WNK2: variants seen among roughly 807,000 people sequenced by gnomAD.
The protein encoded by WNK2 is WNK lysine deficient protein kinase 2.
A neutral mutation model predicts 192.1 loss-of-function variants in WNK2; 67 were observed. The ratio of observed to expected loss-of-function variants is 0.35; its 90% CI spans 0.29 to 0.43. The LOEUF (loss-of-function observed/expected upper bound fraction) is 0.43. Ranked by LOEUF, WNK2 falls within the 20% of genes least tolerant of loss-of-function variation. WNK2 has a pLI of 1.00. For synonymous variants in WNK2, 1,439 were observed against 1,393.9 expected (o/e 1.03, Z -0.72); for missense variants, 2,698 against 3,089.7 (o/e 0.87, Z 3.01).
intron 4 of WNK2, among the ~76,000 whole-genome samples, chr9:93,232,330 C>T (rs1408989975): frequency 1.3e-5 from 2 of 152,094 alleles, no homozygotes; most frequent in South Asian, 2.1e-4. Context: ...AGTGGTGGAG[C>T]GTAGGGGCTG....
rs1245358139 is a variant in WNK2 at position 93,234,861 on chromosome 9, G to A, written c.1129G>A (p.Val377Met). Residue 377 changes from valine (V) to methionine (M), a missense_variant, in exon 5 of 30, where the codon GTG (valine) becomes ATG (methionine). Around this residue, in one of 7 missense-constraint regions of WNK2, gnomAD observed 230 missense variants for 501.1 expected, o/e 0.46. Coordinates refer to ENST00000427277, the MANE Select transcript of WNK2 (RefSeq NM_006648.4). The part of the protein sequence containing the change: ...EMYEEHYDES[V>M]DVYAFGMCML... ...GTACGAGGAGCACTACGATGAGTCC[G>A]TGGACGTCTATGCCTTTGGGATGTG... 2 of 1,614,112 alleles carry A rather than the reference G, an allele frequency of 1.2e-6. No individual in the cohort carries two copies.
In WNK2 at chr9:93,263,898, C is replaced by G. The variant is rs1480879431; in HGVS notation, c.3580-19C>G. ...CGTGTGGGTACGCCCGTGGTGGGTG[C>G]TGATGCTGCCCCTTCCAGGTGTGCA... On this transcript the variant is annotated intron_variant, in intron 15 of 29. Transcript: ENST00000427277. 6.3e-7 allele frequency: 1 copy of G among 1,598,826 alleles called. No homozygotes were observed. Among genetic ancestry groups the G allele is most frequent in the South Asian group, 1.1e-5 (1 of 89,186 alleles).
chr9:93,240,354 G>A (rs1840548182), intron 7 of WNK2, among the ~76,000 whole-genome samples: 1 of 152,158 alleles, frequency 6.6e-6, no homozygotes, highest in Non-Finnish European at 1.5e-5. Context: ...GGTGGCTTTG[G>A]GTTTGGGATC....
chr9:93,219,860 G>A (rs947835817), intron 2 of WNK2, among the ~76,000 whole-genome samples: 4 of 152,258 alleles, frequency 2.6e-5, no homozygotes, highest in African/African-American at 9.6e-5. Flanking sequence ...GAGTGCAGGT[G>A]CAGATGGTGG....
At chr9:93,204,278 C>T (rs1313099525) in intron 2 of WNK2, among the ~76,000 whole-genome samples, 2 of 152,104 alleles carry the variant, frequency 1.3e-5, no homozygotes, top group Non-Finnish European at 2.9e-5. Context: ...CCTGGGTGCT[C>T]AACATTTCTG....
At chr9:93,210,664 G>C (rs915911195) in intron 2 of WNK2, among the ~76,000 whole-genome samples, 1 of 152,314 alleles carries the variant, frequency 6.6e-6, no homozygotes, top group East Asian at 1.9e-4. Context: ...CCCTGAGCAG[G>C]TGAGGGCTCT....
At chr9:93,194,823 G>A (rs1830941176) in intron 2 of WNK2, among the ~76,000 whole-genome samples, 1 of 152,186 alleles carries the variant, frequency 6.6e-6, no homozygotes, top group Non-Finnish European at 1.5e-5. Context: ...TTCAGCAGGT[G>A]AATGGATAAA....
chr9:93,230,253 C>G (rs2132022257), intron 3 of WNK2, among the ~76,000 whole-genome samples: 1 of 152,180 alleles, frequency 6.6e-6, no homozygotes, highest in East Asian at 1.9e-4. Flanking sequence ...CACTAAGGTC[C>G]CAGTCTGTAC....
chr9:93,239,719 G>C lies in WNK2; in HGVS notation c.1323-38G>C, dbSNP rs1564062847. ...CAGGAGCCTGGGCATGGAGGCCCTG[G>C]CGCCCGTGCCCCTGCCTGTCAGCTG... On this transcript the variant is annotated intron_variant, in intron 6 of 29. Transcript: ENST00000427277. This position sits in a 1 kb window ranked among gnomAD's most constrained non-coding sequence, Gnocchi z 4.2. 6.5e-7 allele frequency: 1 copy of C among 1,529,858 alleles called. No individual in the cohort carries two copies. The highest frequency in any genetic ancestry group is 8.8e-7 in the Non-Finnish European group (1 of 1,132,092). The allele number at this position is 1,529,858 out of a possible 1,614,324, so 94.8% of individuals were successfully genotyped here.
chr9:93,274,680 C>T lies in WNK2; in HGVS notation c.4033+5934C>T, dbSNP rs1010247745. Among the ~76,000 whole-genome samples, 4 of 152,124 alleles carry T rather than the reference C, an allele frequency of 2.6e-5. No individual in the cohort carries two copies. In the East Asian group the frequency reaches 5.8e-4, roughly 22 times the overall value. On this transcript the variant is annotated intron_variant, in intron 19 of 29. Transcript: ENST00000427277. ...ATTTAGGTGAAAGAGACTAATTCCT[C>T]AAAAGCCATAAACTACTAAAATTCA...
chr9:93,186,729 C>G (rs1041307216), intron 2 of WNK2, among the ~76,000 whole-genome samples: 5 of 152,212 alleles, frequency 3.3e-5, no homozygotes, highest in African/African-American at 1.2e-4. Flanking sequence ...GTGTGCAAGC[C>G]TGGATAATTC....
intron 28 of WNK2, chr9:93,308,836 C>G: frequency 1.4e-6 from 2 of 1,382,846 alleles, no homozygotes; most frequent in Non-Finnish European, 1.9e-6. Context: ...GGCTGTGACT[C>G]CACAGCTCAG....
chr9:93,243,226 C>T (rs1841078904), intron 7 of WNK2, among the ~76,000 whole-genome samples: 1 of 152,182 alleles, frequency 6.6e-6, no homozygotes, highest in Admixed American at 6.5e-5. Context: ...GCTCCGAAGA[C>T]AGGCAAGTTG....
intron 19 of WNK2, 150 bp downstream of exon 19, chr9:93,268,896 G>T: frequency 6.4e-7 from 1 of 1,567,058 alleles, no homozygotes; most frequent in Non-Finnish European, 8.6e-7. Flanking sequence ...AGCCTGTGGG[G>T]CTGTGTTCCT....
At chr9:93,216,820 CAACAACA>C (rs1196252880) in intron 2 of WNK2, among the ~76,000 whole-genome samples, 4 of 9,332 alleles carry the variant, frequency 4.3e-4, no homozygotes, top group East Asian at 4.0e-3. Context: ...AAAACAACAA[CAACAACA>C]AACAAACAAA....
chr9:93,293,087 T>C lies in WNK2; in HGVS notation c.5622T>C (p.His1874=). Residue 1874 remains histidine, a synonymous_variant, in exon 23 of 30, where the codon CAT becomes CAC. Transcript: ENST00000427277. ...KVPTISVTSF[H]SQSSYISSDN... Reference sequence around the variant, plus strand: ...CCACGATCAGCGTGACCTCCTTCCATTCCCAGTCGTCCTACATCAGCAGCG... The same window carrying C: ...CCACGATCAGCGTGACCTCCTTCCACTCCCAGTCGTCCTACATCAGCAGCG... The C allele has an allele frequency of 6.2e-7, 1 of 1,607,894 alleles. No homozygotes were observed.
intron 29 of WNK2, 110 bp downstream of exon 29, chr9:93,317,741 C>A (rs753617810): frequency 2.4e-5 from 36 of 1,484,272 alleles, no homozygotes; most frequent in African/African-American, 5.6e-5. Context: ...GCCAGGTGGG[C>A]CAGCTGGGGG....
chr9:93,239,657 G>C lies in WNK2; in HGVS notation c.1323-100G>C. 9.6e-7 allele frequency: 1 copy of C among 1,043,116 alleles called. No homozygotes were observed. Among genetic ancestry groups the C allele is most frequent in the Non-Finnish European group, 1.4e-6 (1 of 718,566 alleles). The allele number at this position is 1,043,116 out of a possible 1,614,324, so 64.6% of individuals were successfully genotyped here. On this transcript the variant is annotated intron_variant, in intron 6 of 29. Transcript: ENST00000427277. The surrounding 1 kb of genome is among the most constrained non-coding windows in gnomAD (Gnocchi z 4.2). ...ACATGAGGCCTGGCCTCAGGCTCCT[G>C]CAGGTGTGCCTGTCCTTGTCCTGGT...
chr9:93,297,837 C>G lies in WNK2; in HGVS notation c.5709-16C>G, dbSNP rs994167019. On this transcript the variant is annotated splice_polypyrimidine_tract_variant and intron_variant, in intron 23 of 29. Transcript: ENST00000427277. ...CGAGGAAGCCCATCGGCGCTCCCTC[C>G]TGTCCCCTCCTGCAGGCACCTGAAG... 15 of 1,561,954 alleles carry G rather than the reference C, an allele frequency of 9.6e-6. No homozygotes were observed. Among genetic ancestry groups the G allele is most frequent in the Non-Finnish European group, 1.2e-5 (14 of 1,154,652 alleles).
Sources: gnomAD v4.1 joint callset for allele counts (sites outside exome capture counted in the v4.1 genomes callset) on GRCh38, gnomAD v4.1.1 for gene constraint, gnomAD v4.1.1 regional missense constraint, Gnocchi (gnomAD v3.1) non-coding constraint, MANE v1.5 for transcripts, NCBI Gene and HGNC (gene_info 2026-07-23, HGNC 2026-07-21) for gene names.